DCDC1: variants seen among roughly 807,000 people sequenced by gnomAD.
DCDC1 encodes doublecortin domain containing 1.
DCDC1 carries 200 observed loss-of-function variants against 178.3 expected under a neutral mutation model. The ratio of observed to expected loss-of-function variants is 1.12; its 90% CI spans 1.00 to 1.26. The LOEUF is 1.26. Ranked by LOEUF, DCDC1 falls within the 50% of genes most tolerant of loss-of-function variation. The probability of loss-of-function intolerance (pLI) is 0.00; values close to 1 mark genes in which losing one functional copy is unlikely to be tolerated. For synonymous variants in DCDC1, 690 were observed against 604.8 expected (o/e 1.14, Z -2.07); for missense variants, 1,983 against 1,749.2 (o/e 1.13, Z -2.38).
chr11:30,899,837 A>C (rs1439363796), intron 33 of DCDC1, among the ~76,000 whole-genome samples, 195 bp from the exon 34 acceptor site: 1 of 152,134 alleles, frequency 6.6e-6, no homozygotes, highest in Non-Finnish European at 1.5e-5. Context: ...AGGGGTAAAA[A>C]AAAGAAGAAC....
intron 1 of DCDC1, among the ~76,000 whole-genome samples, chr11:31,341,987 T>G (rs569073123): frequency 1.3e-5 from 2 of 152,132 alleles, no homozygotes; most frequent in Non-Finnish European, 2.9e-5. Context: ...AGGTGATGGA[T>G]GCCAATGAGA....
intron 34 of DCDC1, among the ~76,000 whole-genome samples, chr11:30,897,347 G>A (rs541745890): frequency 6.6e-6 from 1 of 152,144 alleles, no homozygotes; most frequent in South Asian, 2.1e-4. Flanking sequence ...CCAGCACTTT[G>A]GGAGGCCGAG....
intron 17 of DCDC1, among the ~76,000 whole-genome samples, chr11:31,084,705 T>C (rs1184972222): frequency 6.6e-6 from 1 of 152,102 alleles, no homozygotes; most frequent in Non-Finnish European, 1.5e-5. Context: ...CCTTCTTTTC[T>C]AGATTAAACA....
At chr11:30,890,899 T>A (rs1020582694) in intron 36 of DCDC1, among the ~76,000 whole-genome samples, 11 of 152,198 alleles carry the variant, frequency 7.2e-5, no homozygotes, top group African/African-American at 2.7e-4. Flanking sequence ...ATTGATGAGG[T>A]TTTAAATTAC....
chr11:31,242,260 G>A (rs1366504999), intron 8 of DCDC1, among the ~76,000 whole-genome samples: 1 of 151,856 alleles, frequency 6.6e-6, no homozygotes, highest in Non-Finnish European at 1.5e-5. Flanking sequence ...CATGCGTTTT[G>A]TAAATAGATA....
intron 20 of DCDC1, among the ~76,000 whole-genome samples, chr11:30,956,449 C>A (rs1050628810): frequency 3.3e-5 from 5 of 152,094 alleles, no homozygotes; most frequent in Non-Finnish European, 7.4e-5. Flanking sequence ...AAAATCACAT[C>A]ATTGATAGCA....
At chr11:30,891,831 TTC>T (rs1242132633) in intron 36 of DCDC1, among the ~76,000 whole-genome samples, 2 of 152,214 alleles carry the variant, frequency 1.3e-5, no homozygotes, top group Non-Finnish European at 2.9e-5. Context: ...GCTGTCACCA[TTC>T]TTAAGCAAAC....
chr11:30,987,830 C>A (rs990420912), intron 20 of DCDC1, among the ~76,000 whole-genome samples: 1 of 152,092 alleles, frequency 6.6e-6, no homozygotes, highest in African/African-American at 2.4e-5. Context: ...CAGCTATCAG[C>A]TATCATTAGT....
chr11:30,905,799 C>T (rs142331037), intron 30 of DCDC1, among the ~76,000 whole-genome samples: 232 of 152,310 alleles, frequency 1.5e-3, no homozygotes, highest in Non-Finnish European at 2.6e-3. Flanking sequence ...GACTTCCTTT[C>T]TCCTTCAGAG....
intron 31 of DCDC1, chr11:30,904,548 A>T (rs78768171): frequency 0.015 from 2,803 of 184,286 alleles, 88 homozygotes; most frequent in African/African-American, 0.062. Context: ...AAAACATCCT[A>T]TCAACACATA....
intron 23 of DCDC1, among the ~76,000 whole-genome samples, chr11:30,925,072 C>CAA (rs375902731): frequency 3.5e-5 from 4 of 115,038 alleles, no homozygotes; most frequent in Non-Finnish European, 5.6e-5. Context: ...AACTCCATCT[C>CAA]AAAAAAAAAA....
chr11:31,054,900 A>G (rs1955488166), intron 20 of DCDC1, among the ~76,000 whole-genome samples: 1 of 152,128 alleles, frequency 6.6e-6, no homozygotes, highest in South Asian at 2.1e-4. Flanking sequence ...ATAACATTAG[A>G]AAAAAACCCT....
intron 21 of DCDC1, among the ~76,000 whole-genome samples, chr11:30,936,231 G>T (rs952004332): frequency 3.3e-5 from 5 of 152,178 alleles, no homozygotes; most frequent in African/African-American, 1.2e-4. Flanking sequence ...ATAGTAGGAA[G>T]ATCTGTAGCC....
At chr11:31,070,765 G>C (rs1956509922) in intron 18 of DCDC1, among the ~76,000 whole-genome samples, 1 of 152,096 alleles carries the variant, frequency 6.6e-6, no homozygotes, top group Admixed American at 6.6e-5. Flanking sequence ...CATAAATGGA[G>C]GAGATGGATC....
intron 17 of DCDC1, among the ~76,000 whole-genome samples, chr11:31,087,751 C>T (rs1376887576): frequency 6.6e-6 from 1 of 152,066 alleles, no homozygotes; most frequent in Non-Finnish European, 1.5e-5. Flanking sequence ...ATTATATAGA[C>T]TATTTTGGTT....
At chr11:31,321,538 G>T (rs1393898218) in intron 3 of DCDC1, among the ~76,000 whole-genome samples, 2 of 152,100 alleles carry the variant, frequency 1.3e-5, no homozygotes, top group Non-Finnish European at 1.5e-5. Context: ...ACACACACTG[G>T]CCTGCGCCCA....
rs766319214 is a variant in DCDC1, at chr11:30,902,276, CCTTT to C, written c.4510+1202_4510+1205del. Among the ~76,000 whole-genome samples the C allele has an allele frequency of 1.4e-3, 218 of 152,180 alleles. 1 individual carries two copies. The highest frequency in any genetic ancestry group is 3.9e-3 in the Admixed American group (59 of 15,276). On this transcript the variant is annotated intron_variant, in intron 32 of 38. Coordinates refer to ENST00000684477, the MANE Select transcript of DCDC1 (RefSeq NM_001387274.1). The stretch of plus-strand genomic sequence containing the variant: ...TTCACACAGTGCTGGGCTCCTTTGC[CCTTT>C]CTGTTTTCCACTGTGTGAGGACAAA...
At chr11:31,128,364 T>C (rs1961946740) in intron 10 of DCDC1, among the ~76,000 whole-genome samples, 1 of 152,128 alleles carries the variant, frequency 6.6e-6, no homozygotes, top group Admixed American at 6.5e-5. Context: ...GACAGACATA[T>C]GAGCCTTACT....
chr11:31,337,227 T>C (rs564060361), intron 1 of DCDC1, among the ~76,000 whole-genome samples: 4 of 152,344 alleles, frequency 2.6e-5, no homozygotes, highest in African/African-American at 9.6e-5. Context: ...ACTCAGAGTC[T>C]AGTAATTTGG....
Sources: gnomAD v4.1 joint callset for allele counts (sites outside exome capture counted in the v4.1 genomes callset) on GRCh38, gnomAD v4.1.1 for gene constraint, MANE v1.5 for transcripts, NCBI Gene and HGNC (gene_info 2026-07-23, HGNC 2026-07-21) for gene names.